Variants in SUGCT observed in about 807,000 individuals in gnomAD.
The protein encoded by SUGCT is succinyl-CoA:glutarate-CoA transferase, also known as succinyl-CoA:glutarate CoA-transferase.
Under a neutral mutation model 55.0 loss-of-function variants are expected in SUGCT, and 41 were observed. The observed-to-expected ratio is 0.74, with a 90% CI of 0.58 to 0.97. SUGCT has a LOEUF of 0.97. Among genes scored for constraint, SUGCT ranks in the 50% least tolerant of loss-of-function variants. SUGCT has a pLI of 0.00. For synonymous variants in SUGCT, 187 were observed against 200.4 expected, an observed-to-expected ratio of 0.93 and a Z score of 0.56; for missense variants, 568 against 547.8, an observed-to-expected ratio of 1.04 and a Z score of -0.37.
chr7:40,272,193 T>TATATACAC (rs1554299554), intron 7 of SUGCT, among the ~76,000 whole-genome samples: 17 of 76,284 alleles, frequency 2.2e-4, no homozygotes, highest in Non-Finnish European at 3.0e-4. Flanking sequence ...TATATATATA[T>TATATACAC]ACAGGGTCTC....
intron 5 of SUGCT, among the ~76,000 whole-genome samples, chr7:40,191,356 A>G (rs1477433209): frequency 2.0e-5 from 3 of 152,132 alleles, no homozygotes; most frequent in Non-Finnish European, 2.9e-5. Flanking sequence ...CTTAGCTTCA[A>G]TTGCTCTGCT....
chr7:40,516,256 G>A (rs1336634383), intron 12 of SUGCT, among the ~76,000 whole-genome samples: 1 of 152,096 alleles, frequency 6.6e-6, no homozygotes. Context: ...CTGGAAAAAT[G>A]TCTTGCAAAT....
At chr7:40,358,723 CAACAACAAT>C (rs982871475) in intron 9 of SUGCT, among the ~76,000 whole-genome samples, 87 of 151,234 alleles carry the variant, frequency 5.8e-4, no homozygotes, top group East Asian at 4.7e-3. Context: ...TCAAAAACAA[CAACAACAAT>C]AACAACAACA....
At chr7:40,737,628 C>T (rs1042478599) in intron 12 of SUGCT, among the ~76,000 whole-genome samples, 3 of 152,118 alleles carry the variant, frequency 2.0e-5, no homozygotes, top group Non-Finnish European at 4.4e-5. Flanking sequence ...TTGAAAACAT[C>T]TGGCATATAA....
At chr7:40,394,594 A>G (rs1011973185) in intron 9 of SUGCT, among the ~76,000 whole-genome samples, 9 of 152,240 alleles carry the variant, frequency 5.9e-5, no homozygotes, top group Admixed American at 1.3e-4. Context: ...AGTGTTAACT[A>G]TCGTCACCAT....
At chr7:40,633,803 A>G (rs992010365) in intron 12 of SUGCT, among the ~76,000 whole-genome samples, 2 of 152,260 alleles carry the variant, frequency 1.3e-5, no homozygotes, top group Admixed American at 6.5e-5. Context: ...ATAAATATAC[A>G]TGCATATATA....
At chr7:40,932,822 G>A in the SUGCT span, among the ~76,000 whole-genome samples, 15 of 144,800 alleles carry the variant, frequency 1.0e-4, no homozygotes, top group Admixed American at 2.1e-4. Flanking sequence ...GAGCCTATGT[G>A]TGTCTCTGCA....
At chr7:40,833,801 C>T (rs1792821063) in intron 13 of SUGCT, among the ~76,000 whole-genome samples, 1 of 152,210 alleles carries the variant, frequency 6.6e-6, no homozygotes, top group African/African-American at 2.4e-5. Context: ...GAGTTCTCCT[C>T]TCCCACAGCA....
the SUGCT span, among the ~76,000 whole-genome samples, chr7:40,928,967 G>A: frequency 6.6e-6 from 1 of 151,968 alleles, no homozygotes; most frequent in Admixed American, 6.5e-5. Context: ...AAGTTCTAGG[G>A]TACATGTGCA....
rs183081306 is a variant in SUGCT at position 40,489,033 on chromosome 7, T to C, written c.987-7251T>C. Among the ~76,000 whole-genome samples the C allele has an allele frequency of 4.3e-3, 659 of 152,266 alleles. 1 individual carries two copies. Among genetic ancestry groups the C allele is most frequent in the African/African-American group, 0.015 (603 of 41,544 alleles). On this transcript the variant is annotated intron_variant, in intron 11 of 13. Coordinates refer to ENST00000335693, the MANE Select transcript of SUGCT (RefSeq NM_001193313.2). ...TCTCCAGGCTTGGGAGGTTTCCTGC[T>C]GTTATTTCTTTAAATGTGGTTGTAC...
chr7:40,915,272 A>C, the SUGCT span, among the ~76,000 whole-genome samples: 7 of 152,132 alleles, frequency 4.6e-5, no homozygotes, highest in Non-Finnish European at 1.0e-4. Context: ...TGGACAGAGC[A>C]CCGGTCTTAT....
the SUGCT span, among the ~76,000 whole-genome samples, chr7:40,884,601 C>T: frequency 6.6e-6 from 1 of 152,128 alleles, no homozygotes; most frequent in Non-Finnish European, 1.5e-5. Flanking sequence ...TTTTTTCCCG[C>T]ATTTTTCAAG....
chr7:40,827,728 A>T (rs1397433358), intron 13 of SUGCT, among the ~76,000 whole-genome samples: 2 of 152,020 alleles, frequency 1.3e-5, no homozygotes, highest in African/African-American at 2.4e-5. Flanking sequence ...TTCTCAGGGG[A>T]GTCTTTACCA....
the SUGCT span, among the ~76,000 whole-genome samples, chr7:40,976,652 C>T: frequency 1.3e-5 from 2 of 152,188 alleles, no homozygotes; most frequent in Non-Finnish European, 2.9e-5. Context: ...TCAGCATGTT[C>T]TCTTCCAATG....
intron 12 of SUGCT, among the ~76,000 whole-genome samples, chr7:40,695,667 G>C (rs1784896881): frequency 6.6e-6 from 1 of 152,046 alleles, no homozygotes. Flanking sequence ...TTTTCAGACA[G>C]GTACAATTAT....
At chr7:40,616,329 G>A (rs1222169091) in intron 12 of SUGCT, among the ~76,000 whole-genome samples, 1 of 152,144 alleles carries the variant, frequency 6.6e-6, no homozygotes, top group Non-Finnish European at 1.5e-5. Context: ...CCAAGTAGCT[G>A]GGATTACAGT....
chr7:40,877,804 T>C, the SUGCT span, among the ~76,000 whole-genome samples: 1 of 152,252 alleles, frequency 6.6e-6, no homozygotes, highest in Non-Finnish European at 1.5e-5. Flanking sequence ...ATTTCTAGAA[T>C]ATGCTCATCA....
the SUGCT span, among the ~76,000 whole-genome samples, chr7:40,926,249 C>A: frequency 6.6e-6 from 1 of 152,132 alleles, no homozygotes; most frequent in Non-Finnish European, 1.5e-5. Flanking sequence ...AAGCCTTATT[C>A]TTCTTAGCTT....
chr7:40,949,515 C>T, the SUGCT span, among the ~76,000 whole-genome samples: 7 of 152,212 alleles, frequency 4.6e-5, no homozygotes, highest in African/African-American at 7.2e-5. Flanking sequence ...GTGTTTTAGT[C>T]GTGAAGTCTT....
Sources: allele counts gnomAD v4.1 joint callset (sites outside exome capture counted in the v4.1 genomes callset), GRCh38; gene constraint gnomAD v4.1.1; transcripts MANE v1.5; gene names NCBI Gene and HGNC (gene_info 2026-07-23, HGNC 2026-07-21).